The following DOCK4 variants were observed in gnomAD, a reference collection of about 807,000 sequenced individuals.
DOCK4 encodes dedicator of cytokinesis 4.
DOCK4 carries 97 observed loss-of-function variants against 268.1 expected under a neutral mutation model. That is an observed-to-expected ratio of 0.36 (90% CI 0.31 to 0.43). DOCK4 has a LOEUF of 0.43. Among genes scored for constraint, DOCK4 ranks in the 20% least tolerant of loss-of-function variants. DOCK4 has a pLI of 1.00. For missense variants in DOCK4, 2,145 were observed against 2,455.7 expected, an observed-to-expected ratio of 0.87 and a Z score of 2.67; for synonymous variants, 954 against 887.2, an observed-to-expected ratio of 1.08 and a Z score of -1.34.
At chr7:111,792,721 C>T (rs1799637565) in intron 30 of DOCK4, among the ~76,000 whole-genome samples, 8 of 152,026 alleles carry the variant, frequency 5.3e-5, no homozygotes, top group Admixed American at 5.2e-4. Flanking sequence ...ATGAAAGAAT[C>T]TGGGGAGCAG....
chr7:112,165,524 G>GTA (rs1491356590), intron 1 of DOCK4, among the ~76,000 whole-genome samples: 1 of 9,636 alleles, frequency 1.0e-4, no homozygotes, highest in Non-Finnish European at 1.6e-4. Flanking sequence ...AATAGTATAC[G>GTA]TGTGTGTGTG....
chr7:111,859,653 C>T (rs1375858312), intron 23 of DOCK4, among the ~76,000 whole-genome samples: 4 of 148,452 alleles, frequency 2.7e-5, no homozygotes, highest in South Asian at 2.2e-4. Context: ...CTGCAAGCTC[C>T]GCCTCCCGGG....
intron 6 of DOCK4, among the ~76,000 whole-genome samples, chr7:111,986,047 T>A (rs1799027079): frequency 1.3e-5 from 2 of 152,174 alleles, no homozygotes; most frequent in Non-Finnish European, 2.9e-5. Flanking sequence ...GACAAGGTAG[T>A]CATCTGACCA....
At chr7:111,747,140 G>T (rs1796330591) in intron 43 of DOCK4, 127 bp downstream of exon 43, 2 of 766,156 alleles carry the variant, frequency 2.6e-6, no homozygotes, top group South Asian at 2.4e-5. Flanking sequence ...TTTAACAAAG[G>T]ACTCTGTGTC....
chr7:112,070,103 G>A (rs902684386), intron 1 of DOCK4, among the ~76,000 whole-genome samples: 4 of 152,200 alleles, frequency 2.6e-5, no homozygotes, highest in African/African-American at 9.6e-5. Context: ...CAGTGTGGAA[G>A]ATGGATTAGA....
At chr7:112,020,343 C>T (rs1265080386) in intron 1 of DOCK4, among the ~76,000 whole-genome samples, 1 of 152,188 alleles carries the variant, frequency 6.6e-6, no homozygotes, top group Non-Finnish European at 1.5e-5. Context: ...CTGAACCCCC[C>T]AGGTAAAAAA....
chr7:111,822,361 C>G lies in DOCK4; in HGVS notation c.2930+1G>C. 1 of 1,611,024 alleles carries G rather than the reference C, an allele frequency of 6.2e-7. No individual in the cohort carries two copies. Among genetic ancestry groups the G allele is most frequent in the Non-Finnish European group, 8.5e-7 (1 of 1,178,022 alleles). On this transcript the variant is annotated splice_donor_variant, in intron 27 of 52. Transcript: ENST00000428084. LOFTEE classifies it high-confidence loss of function. ...AATTATCATCAACTTAAATGTCTTA[C>G]TTGTTAGCAACCAAGCGCATAACAG... is the stretch of plus-strand genomic sequence containing the variant.
chr7:111,760,717 A>C (rs896824701), intron 39 of DOCK4, among the ~76,000 whole-genome samples: 27 of 150,082 alleles, frequency 1.8e-4, no homozygotes, highest in Non-Finnish European at 3.7e-4. Context: ...TTGGAGGAAA[A>C]GTAAATTTGT....
At chr7:112,108,591 G>A (rs1811346447) in intron 1 of DOCK4, among the ~76,000 whole-genome samples, 1 of 152,168 alleles carries the variant, frequency 6.6e-6, no homozygotes, top group South Asian at 2.1e-4. Flanking sequence ...TTAATTTGCA[G>A]AACCCAGTGA....
intron 17 of DOCK4, among the ~76,000 whole-genome samples, 182 bp downstream of exon 17, chr7:111,876,848 A>T (rs1806931070): frequency 6.6e-6 from 1 of 151,906 alleles, no homozygotes; most frequent in South Asian, 2.1e-4. Flanking sequence ...TCCTTCTTAA[A>T]TGACATGCAT....
At chr7:112,045,599 G>A (rs1399328699) in intron 1 of DOCK4, among the ~76,000 whole-genome samples, 2 of 152,154 alleles carry the variant, frequency 1.3e-5, no homozygotes, top group Admixed American at 1.3e-4. Context: ...AATGCTCCTT[G>A]GCTGAGAACA....
chr7:112,096,716 G>A (rs1810175857), intron 1 of DOCK4, among the ~76,000 whole-genome samples: 1 of 152,194 alleles, frequency 6.6e-6, no homozygotes, highest in Non-Finnish European at 1.5e-5. Flanking sequence ...AGGCATTCTA[G>A]AATGAGTGAG....
intron 16 of DOCK4, among the ~76,000 whole-genome samples, chr7:111,878,604 C>T (rs1807111897): frequency 6.6e-6 from 1 of 152,204 alleles, no homozygotes; most frequent in Non-Finnish European, 1.5e-5. Context: ...TCTCCCACCC[C>T]TCCCCCATCC....
At chr7:111,924,550 T>C (rs1298228957) in intron 12 of DOCK4, among the ~76,000 whole-genome samples, 1 of 152,204 alleles carries the variant, frequency 6.6e-6, no homozygotes, top group Non-Finnish European at 1.5e-5. Context: ...CCAACTCTCT[T>C]GATTCTTACC....
At chr7:112,110,501 G>T (rs1159743655) in intron 1 of DOCK4, among the ~76,000 whole-genome samples, 2 of 152,214 alleles carry the variant, frequency 1.3e-5, no homozygotes, top group Non-Finnish European at 2.9e-5. Flanking sequence ...TCAGTGCCCT[G>T]ACATTGGGCC....
At chr7:112,065,303 C>T (rs1391356109) in intron 1 of DOCK4, among the ~76,000 whole-genome samples, 1 of 151,956 alleles carries the variant, frequency 6.6e-6, no homozygotes, top group East Asian at 1.9e-4. Context: ...AGCCTCTTTT[C>T]CACACTTCCT....
chr7:111,905,683 ATGTGTGTGTG>A (rs145889951), intron 13 of DOCK4, among the ~76,000 whole-genome samples: 2 of 147,624 alleles, frequency 1.4e-5, no homozygotes, highest in Admixed American at 6.8e-5. Context: ...ATATGCATGT[ATGTGTGTGTG>A]TGTGTGTGTG....
chr7:111,789,906 C>T (rs1230857662), intron 31 of DOCK4, among the ~76,000 whole-genome samples: 1 of 152,156 alleles, frequency 6.6e-6, no homozygotes, highest in East Asian at 1.9e-4. Flanking sequence ...TTGTAATAAG[C>T]CTGTTTTCCC....
chr7:112,181,572 C>A lies in DOCK4; in HGVS notation c.37+24530G>T, dbSNP rs149594260. On this transcript the variant is annotated intron_variant, in intron 1 of 52. Coordinates refer to ENST00000428084, the MANE Select transcript of DOCK4 (RefSeq NM_001363540.2). ...GGAGGACTGCTTGAGCCCAGGAGTT[C>A]CAGACTGCAGTGAGCCAAAATCGTG... Among the ~76,000 whole-genome samples the A allele has an allele frequency of 3.2e-3, 447 of 140,280 alleles. 3 individuals are homozygous for A. Among genetic ancestry groups the A allele is most frequent in the African/African-American group, 0.011 (410 of 37,722 alleles). 92.0% of individuals were successfully genotyped at this position (140,280 alleles called of 152,430 possible).
Sources: gnomAD v4.1 joint callset for allele counts (sites outside exome capture counted in the v4.1 genomes callset) on GRCh38, gnomAD v4.1.1 for gene constraint, MANE v1.5 for transcripts, NCBI Gene and HGNC (gene_info 2026-07-23, HGNC 2026-07-21) for gene names.